Variants in TMEM19 observed in about 807,000 individuals in gnomAD.
TMEM19 encodes the protein transmembrane protein 19.
Under a neutral mutation model 33.6 loss-of-function variants are expected in TMEM19, and 21 were observed. The ratio of observed to expected loss-of-function variants is 0.62; its 90% CI spans 0.44 to 0.90. The LOEUF is 0.90. Among genes scored for constraint, TMEM19 ranks in the 40% least tolerant of loss-of-function variants. The pLI is 0.00. For missense variants in TMEM19, 402 were observed against 401.8 expected, an observed-to-expected ratio of 1.00 and a Z score of 0.00; for synonymous variants, 149 against 147.5, an observed-to-expected ratio of 1.01 and a Z score of -0.07.
Position 71,699,021 on chromosome 12 carries a change from G to A in TMEM19, c.759G>A (p.Pro253=), listed in dbSNP as rs546420854. 97 of 1,614,120 alleles carry A rather than the reference G, an allele frequency of 6.0e-5. 1 individual carries two copies. Among genetic ancestry groups the A allele is most frequent in the Middle Eastern group, 1.7e-4 (1 of 6,060 alleles). The change falls in exon 5 of 6, where the codon CCG becomes CCA. Residue 253 remains proline, a synonymous_variant. Coordinates refer to ENST00000266673, the MANE Select transcript of TMEM19 (RefSeq NM_018279.4). ...TGAATGATTTAGACATTTCTGCCCC[G>A]CAGTGGCCAATTATTGCATTTGGTG... is the stretch of plus-strand genomic sequence containing the variant. The part of the protein sequence containing the change: ...IFVNDLDISA[P]QWPIIAFGGL...
In TMEM19 at chr12:71,700,909, G is replaced by A; in HGVS notation, c.925G>A (p.Asp309Asn). The change falls in exon 6 of 6, where the codon GAT becomes AAT. Residue 309 changes from aspartate to asparagine, a missense_variant. Transcript: ENST00000266673. ...GCACATAGCAGGGAAACCCATTCTT[G>A]ATAACAACGCAGTGAATCTGTTTTC... ...ARHIAGKPIL[D>N]NNAVNLFSSV... is the part of the protein sequence containing the mutation. 1.2e-6 allele frequency: 2 copies of A among 1,613,816 alleles called. No individual in the cohort carries two copies. Among genetic ancestry groups the A allele is most frequent in the Non-Finnish European group, 1.7e-6 (2 of 1,179,860 alleles).
intron 1 of TMEM19, 76 bp from the exon 2 acceptor site, chr12:71,689,515 A>G (rs1881748545): frequency 2.9e-6 from 3 of 1,021,266 alleles, no homozygotes; most frequent in Non-Finnish European, 4.7e-6. Flanking sequence ...GTCTAAAAGC[A>G]GTAACGGAAG....
At position 71,697,519 on chromosome 12, in the gene TMEM19, G is replaced by A; in HGVS notation, c.622G>A (p.Glu208Lys). 1 of 1,575,500 alleles carries A rather than the reference G, an allele frequency of 6.3e-7. No individual in the cohort carries two copies. The highest frequency in any genetic ancestry group is 8.6e-7 in the Non-Finnish European group (1 of 1,167,404). ...TTCTCCAAGACTGATAACAACCTGG[G>A]AGAAAGTTCCAGTTGGTGAGTTTTT... ...KSSPRLITTW[E>K]KVPVGTNGGV... is the part of the protein sequence containing the mutation. The change falls in exon 4 of 6, where the codon GAG becomes AAG. Residue 208 changes from glutamate to lysine, a missense_variant. Physicochemically the swap from Glu to Lys is moderately conservative, Grantham distance 56. Coordinates refer to ENST00000266673, the MANE Select transcript of TMEM19 (RefSeq NM_018279.4).
chr12:71,693,426 T>C (rs1881819318), intron 2 of TMEM19, among the ~76,000 whole-genome samples: 1 of 152,108 alleles, frequency 6.6e-6, no homozygotes, highest in Admixed American at 6.5e-5. Flanking sequence ...TGATTTAAAG[T>C]ATATCATAGT....
In TMEM19 at chr12:71,687,474, T is replaced by G. The variant is rs188593692; in HGVS notation, c.130+664T>G. ...TGGGAGATGGAGGCAGGAGAATCAC[T>G]TGAACCCTGGAGGCGGAGGTTGCAG... On this transcript the variant is annotated intron_variant, in intron 1 of 5. Transcript: ENST00000266673. Among the ~76,000 whole-genome samples the G allele has an allele frequency of 2.6e-5, 4 of 152,088 alleles. No homozygotes were observed. The East Asian group carries it at 7.7e-4, about 29-fold the overall frequency.
At chr12:71,695,422 G>A (rs1881854719) in intron 2 of TMEM19, among the ~76,000 whole-genome samples, 1 of 152,154 alleles carries the variant, frequency 6.6e-6, no homozygotes, top group African/African-American at 2.4e-5. Flanking sequence ...TCATGAAGAG[G>A]AGGAGGGGAG....
rs1565859079 is a variant in TMEM19, at chr12:71,703,175, TAGA to T, written c.*2181_*2183del. On this transcript the variant is annotated 3_prime_UTR_variant, in exon 6 of 6. Transcript: ENST00000266673. ...CTGGGCAACAGAGGGAGACTCCATC[TAGA>T]CTCCATCTCAAAAAAAAAAAAAAAA... The T allele has an allele frequency of 5.0e-3, 467 of 93,924 alleles. 2 individuals are homozygous for T. Among genetic ancestry groups the T allele is most frequent in the African/African-American group, 0.018 (436 of 24,640 alleles). The allele number at this position is 93,924 out of a possible 1,614,324, so 5.8% of individuals were successfully genotyped here.
intron 2 of TMEM19, among the ~76,000 whole-genome samples, chr12:71,691,553 G>A (rs1037339567): frequency 2.3e-5 from 3 of 131,190 alleles, no homozygotes; most frequent in African/African-American, 8.6e-5. Context: ...AGGATCACTC[G>A]AGTCCAGGAG....
intron 4 of TMEM19, among the ~76,000 whole-genome samples, chr12:71,698,020 G>A (rs930570318): frequency 3.9e-5 from 6 of 152,160 alleles, no homozygotes; most frequent in Admixed American, 1.3e-4. Context: ...TCAGATTTAC[G>A]ATTTTCAGAT....
intron 2 of TMEM19, among the ~76,000 whole-genome samples, chr12:71,689,988 T>C (rs1244002562): frequency 6.6e-6 from 1 of 152,214 alleles, no homozygotes; most frequent in African/African-American, 2.4e-5. Flanking sequence ...TGATTAGTCT[T>C]CTACCAGCAG....
In TMEM19 at chr12:71,697,319, C is replaced by T. The variant is rs754877659; in HGVS notation, c.422C>T (p.Ala141Val). 6.2e-7 allele frequency: 1 copy of T among 1,608,038 alleles called. No individual in the cohort carries two copies. The highest frequency in any genetic ancestry group is 1.3e-5 in the African/African-American group (1 of 74,564). ...TGGGTTCAGGTGTTCTGTAATGGAG[C>T]TGTACCCACAGAACTGGCCCTGCTG... ...RNWVQVFCNG[A>V]VPTELALLYM... is the part of the protein sequence containing the mutation. Residue 141 changes from alanine (A) to valine (V), a missense_variant, in exon 4 of 6, where the codon GCT (alanine) becomes GTT (valine). Ala to Val is a moderately conservative substitution (Grantham distance 64). Transcript: ENST00000266673.
At chr12:71,696,625 C>A (rs1020795989) in intron 3 of TMEM19, 52 bp downstream of exon 3, 1 of 1,421,160 alleles carries the variant, frequency 7.0e-7, no homozygotes, top group Non-Finnish European at 9.5e-7. Context: ...TTAATCCTAA[C>A]ATAAGGTTTT....
At position 71,701,556 on chromosome 12, in the gene TMEM19, A is replaced by G. The variant is rs368286872; in HGVS notation, c.*561A>G. Reference sequence around the variant, plus strand: ...TGGTTCCTAGTGAGTTTTGTGGCCTACTCCACATTTGTTCTTCCTTCCTCA... The same window carrying G: ...TGGTTCCTAGTGAGTTTTGTGGCCTGCTCCACATTTGTTCTTCCTTCCTCA... On this transcript the variant is annotated 3_prime_UTR_variant, in exon 6 of 6. Coordinates refer to ENST00000266673, the MANE Select transcript of TMEM19 (RefSeq NM_018279.4). 1 of 152,046 alleles carries G rather than the reference A, an allele frequency of 6.6e-6. No homozygotes were observed. Among genetic ancestry groups the G allele is most frequent in the Non-Finnish European group, 1.5e-5 (1 of 68,018 alleles). 9.4% of individuals were successfully genotyped at this position (152,046 alleles called of 1,614,324 possible).
Position 71,697,439 on chromosome 12 carries a change from C to G in TMEM19, c.542C>G (p.Ala181Gly). The change falls in exon 4 of 6, where the codon GCC becomes GGC. Residue 181 changes from alanine (A) to glycine (G), a missense_variant. Ala to Gly is a moderately conservative substitution (Grantham distance 60). Coordinates refer to ENST00000266673, the MANE Select transcript of TMEM19 (RefSeq NM_018279.4). ...TGTTTGTCTCTCTTGGCTGCACTGG[C>G]CTGCTCTGCTGGAGACACATGGGCT... is the stretch of plus-strand genomic sequence containing the variant. ...WMCLSLLAAL[A>G]CSAGDTWASE... The G allele has an allele frequency of 6.2e-7, 1 of 1,611,132 alleles. No homozygotes were observed. Among genetic ancestry groups the G allele is most frequent in the Non-Finnish European group, 8.5e-7 (1 of 1,178,988 alleles).
In TMEM19 at chr12:71,686,447, T is replaced by G. The variant is rs2137589509; in HGVS notation, c.-234T>G. ...CGACCGGCCCTCACCGTCCGCCGGGTTGCGCTCTGCTTTTGCGGTGAGGCG... is the reference window on the plus strand; with the variant it reads ...CGACCGGCCCTCACCGTCCGCCGGGGTGCGCTCTGCTTTTGCGGTGAGGCG... On this transcript the variant is annotated 5_prime_UTR_variant, in exon 1 of 6. Coordinates refer to ENST00000266673, the MANE Select transcript of TMEM19 (RefSeq NM_018279.4). 1 of 383,754 alleles carries G rather than the reference T, an allele frequency of 2.6e-6. No homozygotes were observed. The highest frequency in any genetic ancestry group is 4.6e-6 in the Non-Finnish European group (1 of 217,004). The allele number at this position is 383,754 out of a possible 1,614,324, so 23.8% of individuals were successfully genotyped here.
At chr12:71,688,971 TA>T (rs1045001479) in intron 1 of TMEM19, among the ~76,000 whole-genome samples, 1 of 151,720 alleles carries the variant, frequency 6.6e-6, no homozygotes, top group South Asian at 2.1e-4. Flanking sequence ...GTGCCCCCTT[TA>T]AAAAAAATGA....
chr12:71,691,904 T>C (rs180685625), intron 2 of TMEM19, among the ~76,000 whole-genome samples: 1 of 152,326 alleles, frequency 6.6e-6, no homozygotes, highest in Admixed American at 6.5e-5. Flanking sequence ...TCTTTCCTGC[T>C]GCTAGAAGGG....
chr12:71,686,389 C>A lies in TMEM19; in HGVS notation c.-292C>A. 3.4e-6 allele frequency: 1 copy of A among 290,844 alleles called. No homozygotes were observed. Among genetic ancestry groups the A allele is most frequent in the South Asian group, 3.3e-5 (1 of 29,882 alleles). 18.0% of individuals were successfully genotyped at this position (290,844 alleles called of 1,614,324 possible). On this transcript the variant is annotated 5_prime_UTR_variant, in exon 1 of 6. Transcript: ENST00000266673. ...CGGCTTTCTCTTTTCCCCGTGGGCT[C>A]CGGCGTGAGGCGCTGAAGCGGCCGG...
rs1028721416 is a variant in TMEM19, at chr12:71,689,618, G to A, written c.158G>A (p.Arg53His). The stretch of plus-strand genomic sequence containing the variant: ...AACTTACGACCTATTTCTCCGTGGC[G>A]TTGGCTGTTTTCTGTTGTTGTTCCT... ...YGNLRPISPW[R>H]WLFSVVVPVL... is the part of the protein sequence containing the mutation. Residue 53 changes from arginine to histidine, a missense_variant, in exon 2 of 6, where the codon CGT (arginine) becomes CAT (histidine). Coordinates refer to ENST00000266673, the MANE Select transcript of TMEM19 (RefSeq NM_018279.4). 8.7e-6 allele frequency: 14 copies of A among 1,614,048 alleles called. No individual in the cohort carries two copies. The highest frequency in any genetic ancestry group is 4.5e-5 in the East Asian group (2 of 44,870).
Sources: allele counts gnomAD v4.1 joint callset (sites outside exome capture counted in the v4.1 genomes callset), GRCh38; gene constraint gnomAD v4.1.1; transcripts MANE v1.5; gene names NCBI Gene and HGNC (gene_info 2026-07-23, HGNC 2026-07-21).